GAS7: variants seen among roughly 807,000 people sequenced by gnomAD.
GAS7 encodes the protein growth arrest specific 7.
Under a neutral mutation model 71.1 loss-of-function variants are expected in GAS7, and 28 were observed. That is an observed-to-expected ratio of 0.39 (90% CI 0.29 to 0.54). The LOEUF (loss-of-function observed/expected upper bound fraction) is 0.54. Among genes scored for constraint, GAS7 ranks in the 20% least tolerant of loss-of-function variants. GAS7 has a pLI of 0.62. For missense variants in GAS7, 436 were observed against 627.8 expected, an observed-to-expected ratio of 0.69 and a Z score of 3.27; for synonymous variants, 258 against 245.8, an observed-to-expected ratio of 1.05 and a Z score of -0.46.
rs539538433 is a variant in GAS7 at position 10,132,996 on chromosome 17, G to T, written c.183+65212C>A. 4.6e-5 allele frequency among the ~76,000 whole-genome samples: 7 copies of T among 151,680 alleles called. No individual in the cohort carries two copies. In the East Asian group the frequency reaches 1.4e-3, roughly 29 times the overall value. On this transcript the variant is annotated intron_variant, in intron 1 of 13. Coordinates refer to ENST00000432992, the MANE Select transcript of GAS7 (RefSeq NM_201433.2). Reference sequence around the variant, plus strand: ...CCCTCTGACTTGGTCTTTCTCCCCTGCAGGCATCCTTCTCTGAAAGACACA... The same window carrying T: ...CCCTCTGACTTGGTCTTTCTCCCCTTCAGGCATCCTTCTCTGAAAGACACA...
intron 9 of GAS7, among the ~76,000 whole-genome samples, chr17:9,933,885 C>G (rs1356350793): frequency 2.0e-5 from 3 of 151,956 alleles, no homozygotes; most frequent in Non-Finnish European, 2.9e-5. Flanking sequence ...GCAATAAATA[C>G]CTAGCACTTA....
At chr17:10,067,108 C>T (rs2073289438) in intron 1 of GAS7, among the ~76,000 whole-genome samples, 1 of 152,118 alleles carries the variant, frequency 6.6e-6, no homozygotes, top group Non-Finnish European at 1.5e-5. Flanking sequence ...CATGGTTCTG[C>T]CATCCTTTAC....
chr17:10,085,412 A>G (rs1006242251), intron 1 of GAS7, among the ~76,000 whole-genome samples: 15 of 152,152 alleles, frequency 9.9e-5, no homozygotes, highest in Admixed American at 3.9e-4. Context: ...AGCCGGGCGC[A>G]GTGGCTCACG....
At chr17:10,028,194 C>T (rs867546978) in intron 1 of GAS7, among the ~76,000 whole-genome samples, 7 of 152,310 alleles carry the variant, frequency 4.6e-5, no homozygotes, top group South Asian at 2.1e-4. Context: ...TGAGCCACTG[C>T]GCCCGGCCTT....
intron 1 of GAS7, among the ~76,000 whole-genome samples, chr17:10,192,214 T>C (rs531754334): frequency 6.6e-6 from 1 of 152,294 alleles, no homozygotes; most frequent in African/African-American, 2.4e-5. Flanking sequence ...GCCATAGGCA[T>C]AAATACCACC....
chr17:10,062,476 C>T (rs527670875), intron 1 of GAS7, among the ~76,000 whole-genome samples: 4 of 152,256 alleles, frequency 2.6e-5, no homozygotes, highest in African/African-American at 9.6e-5. Context: ...CAGAGTGAGA[C>T]TCTGTCTCAA....
intron 1 of GAS7, among the ~76,000 whole-genome samples, chr17:10,113,057 AGAGG>A (rs879938213): frequency 2.6e-5 from 4 of 152,116 alleles, no homozygotes; most frequent in Non-Finnish European, 5.9e-5. Context: ...AGGGAAGCAG[AGAGG>A]GACCCCATCC....
intron 1 of GAS7, among the ~76,000 whole-genome samples, chr17:10,041,313 G>A (rs1434852839): frequency 1.3e-5 from 2 of 152,196 alleles, no homozygotes; most frequent in Non-Finnish European, 2.9e-5. Flanking sequence ...ACAGCAAAGA[G>A]GGGACAGTTT....
chr17:10,171,134 C>CTGACTGAAG (rs2074332666), intron 1 of GAS7, among the ~76,000 whole-genome samples: 1 of 152,228 alleles, frequency 6.6e-6, no homozygotes, highest in Admixed American at 6.5e-5. Context: ...AATCCTAAAA[C>CTGACTGAAG]TTCCTTCATC....
intron 1 of GAS7, among the ~76,000 whole-genome samples, chr17:10,126,881 C>A (rs1389515669): frequency 6.6e-6 from 1 of 152,160 alleles, no homozygotes; most frequent in Non-Finnish European, 1.5e-5. Context: ...AGCTGTGTGA[C>A]CTTTTTTAAC....
In GAS7 at chr17:10,036,518, C is replaced by G. The variant is rs185086875; in HGVS notation, c.184-16621G>C. On this transcript the variant is annotated intron_variant, in intron 1 of 13. Coordinates refer to ENST00000432992, the MANE Select transcript of GAS7 (RefSeq NM_201433.2). ...TGCCTGAAGCCCTCAGACTCAGCAC[C>G]AAGACTCCGCCGGCTTCCTCTTCAT... 2.3e-4 allele frequency: 363 copies of G among 1,607,486 alleles called. 3 individuals carry two copies. The African/African-American group carries it at 4.4e-3, about 19-fold the overall frequency.
chr17:10,049,161 G>T (rs376945668), intron 1 of GAS7, among the ~76,000 whole-genome samples: 1 of 152,272 alleles, frequency 6.6e-6, no homozygotes, highest in Middle Eastern at 3.4e-3. Context: ...TTTGTTTTTC[G>T]TGTCCACCAA....
chr17:9,975,750 C>T (rs1402168674), intron 3 of GAS7, among the ~76,000 whole-genome samples: 5 of 152,146 alleles, frequency 3.3e-5, no homozygotes, highest in African/African-American at 1.2e-4. Context: ...TTACAGTAGG[C>T]CTTTTAGAAT....
intron 1 of GAS7, among the ~76,000 whole-genome samples, chr17:10,106,176 T>A (rs925781927): frequency 4.5e-4 from 68 of 152,198 alleles, no homozygotes; most frequent in African/African-American, 1.6e-3. Context: ...AAAAGTGCCA[T>A]GCGTATTCCT....
intron 1 of GAS7, among the ~76,000 whole-genome samples, chr17:10,050,490 C>T (rs1379135256): frequency 2.0e-5 from 3 of 152,092 alleles, no homozygotes; most frequent in Non-Finnish European, 4.4e-5. Context: ...TTGCCCTCTG[C>T]CCACCCTAAA....
intron 1 of GAS7, among the ~76,000 whole-genome samples, chr17:10,191,009 C>T (rs1289026473): frequency 3.3e-5 from 5 of 151,644 alleles, no homozygotes; most frequent in African/African-American, 1.2e-4. Flanking sequence ...AATCCCATCT[C>T]TACTAAAAAT....
chr17:10,040,166 C>T (rs1490643677), intron 1 of GAS7, among the ~76,000 whole-genome samples: 1 of 152,156 alleles, frequency 6.6e-6, no homozygotes, highest in Non-Finnish European at 1.5e-5. Context: ...CCTCATTTAA[C>T]AGAGGAAAAC....
chr17:9,917,069 C>T lies in GAS7; in HGVS notation c.*159G>A. ...GGGCCTGGGAATATGGGGGAGCCCC[C>T]AGCTAGGCTGTCCGGGTCACCCTTC... is the stretch of plus-strand genomic sequence containing the variant. On this transcript the variant is annotated 3_prime_UTR_variant, in exon 14 of 14. Transcript: ENST00000432992. 1 of 616,864 alleles carries T rather than the reference C, an allele frequency of 1.6e-6. No individual in the cohort carries two copies. Among genetic ancestry groups the T allele is most frequent in the Non-Finnish European group, 2.9e-6 (1 of 344,070 alleles). 38.2% of individuals were successfully genotyped at this position (616,864 alleles called of 1,614,324 possible).
intron 1 of GAS7, among the ~76,000 whole-genome samples, chr17:10,178,330 A>AT (rs34731655): frequency 0.48 from 73,350 of 151,862 alleles, 17,995 homozygotes; most frequent in East Asian, 0.56. Context: ...TGGCAAGTCC[A>AT]TACCAACATC....
Sources: gnomAD v4.1 joint callset for allele counts (sites outside exome capture counted in the v4.1 genomes callset) on GRCh38, gnomAD v4.1.1 for gene constraint, MANE v1.5 for transcripts, NCBI Gene and HGNC (gene_info 2026-07-23, HGNC 2026-07-21) for gene names.